Variants in AKAP19 observed in about 807,000 individuals in gnomAD.
The protein encoded by AKAP19 is small A-kinase anchoring protein.
chr2:190,095,307 G>T, the AKAP19 span, among the ~76,000 whole-genome samples: 1 of 152,154 alleles, frequency 6.6e-6, no homozygotes, highest in Non-Finnish European at 1.5e-5. Context: ...AAATACCTTT[G>T]GTAATATCAG....
chr2:189,922,710 A>T, the AKAP19 span, among the ~76,000 whole-genome samples: 7 of 152,128 alleles, frequency 4.6e-5, no homozygotes, highest in African/African-American at 1.7e-4. Context: ...CCTATTACTT[A>T]TTGCTATGTT....
At chr2:190,065,028 A>T in the AKAP19 span, among the ~76,000 whole-genome samples, 2 of 152,172 alleles carry the variant, frequency 1.3e-5, no homozygotes, top group African/African-American at 2.4e-5. Flanking sequence ...TATCTGACGC[A>T]CAGGTTCCCA....
chr2:190,021,304 A>T, the AKAP19 span, among the ~76,000 whole-genome samples: 9 of 152,212 alleles, frequency 5.9e-5, no homozygotes, highest in Non-Finnish European at 1.2e-4. Flanking sequence ...ATTTTGTTGA[A>T]CATAATCACC....
chr2:189,973,231 T>C, the AKAP19 span, among the ~76,000 whole-genome samples: 4 of 152,242 alleles, frequency 2.6e-5, no homozygotes, highest in Admixed American at 6.5e-5. Flanking sequence ...TCTGCATCTA[T>C]TGAGATAATC....
At chr2:189,927,723 T>C in the AKAP19 span, among the ~76,000 whole-genome samples, 3 of 152,208 alleles carry the variant, frequency 2.0e-5, no homozygotes, top group African/African-American at 7.2e-5. Flanking sequence ...AGTCATCAAA[T>C]CAGGAAATTA....
chr2:189,965,953 T>C, the AKAP19 span, among the ~76,000 whole-genome samples: 2 of 126,494 alleles, frequency 1.6e-5, no homozygotes, highest in Non-Finnish European at 3.4e-5. Flanking sequence ...TATGTATGTA[T>C]GTGTGTGTGT....
the AKAP19 span, among the ~76,000 whole-genome samples, chr2:190,094,447 C>T: frequency 1.3e-5 from 2 of 152,026 alleles, no homozygotes; most frequent in Admixed American, 6.6e-5. Context: ...TAAAAAAGGC[C>T]GTGATTGAAA....
the AKAP19 span, among the ~76,000 whole-genome samples, chr2:190,171,634 T>C: frequency 2.0e-5 from 3 of 152,174 alleles, no homozygotes; most frequent in Non-Finnish European, 1.5e-5. Context: ...TTGGTGGATA[T>C]TTATTTCTCT....
At chr2:189,980,125 C>A in the AKAP19 span, among the ~76,000 whole-genome samples, 1 of 152,096 alleles carries the variant, frequency 6.6e-6, no homozygotes, top group African/African-American at 2.4e-5. Context: ...CTGTTTATCA[C>A]AGCATTATTT....
At chr2:190,103,198 A>G in the AKAP19 span, among the ~76,000 whole-genome samples, 9 of 152,232 alleles carry the variant, frequency 5.9e-5, no homozygotes, top group Non-Finnish European at 7.3e-5. Flanking sequence ...TCTCAAGATA[A>G]TAAGAGCCAT....
chr2:190,150,001 A>G, the AKAP19 span, among the ~76,000 whole-genome samples: 50 of 152,218 alleles, frequency 3.3e-4, no homozygotes, highest in African/African-American at 1.2e-3. Context: ...AAGTGGGGGA[A>G]AGCCGGCAGT....
chr2:190,169,913 A>G, the AKAP19 span, among the ~76,000 whole-genome samples: 3 of 152,224 alleles, frequency 2.0e-5, no homozygotes, highest in African/African-American at 7.2e-5. Flanking sequence ...CTGCCAAGAC[A>G]CTTGTTTGTC....
chr2:190,136,662 C>A, the AKAP19 span, among the ~76,000 whole-genome samples: 5 of 152,250 alleles, frequency 3.3e-5, no homozygotes, highest in East Asian at 5.8e-4. Flanking sequence ...GCCTTCTGAC[C>A]TTTCAGAAGG....
At chr2:190,112,384 T>C in the AKAP19 span, among the ~76,000 whole-genome samples, 1 of 152,184 alleles carries the variant, frequency 6.6e-6, no homozygotes, top group Non-Finnish European at 1.5e-5. Flanking sequence ...TCTTATTTCT[T>C]TGTATTTACT....
chr2:189,947,084 A>G, the AKAP19 span, among the ~76,000 whole-genome samples: 7 of 152,002 alleles, frequency 4.6e-5, no homozygotes, highest in Non-Finnish European at 1.0e-4. Context: ...GAAATTGTTC[A>G]TTAAGGATTA....
At chr2:190,083,535 G>A in the AKAP19 span, among the ~76,000 whole-genome samples, 1 of 141,852 alleles carries the variant, frequency 7.0e-6, no homozygotes, top group African/African-American at 2.6e-5. Context: ...TGAAAAGTAG[G>A]TTTTTATAGG....
chr2:190,119,485 C>A, the AKAP19 span, among the ~76,000 whole-genome samples: 4 of 152,280 alleles, frequency 2.6e-5, no homozygotes, highest in East Asian at 5.8e-4. Context: ...GTTCTGCACA[C>A]GTGGGGATAC....
the AKAP19 span, among the ~76,000 whole-genome samples, chr2:189,938,168 C>T: frequency 6.6e-6 from 1 of 151,824 alleles, no homozygotes; most frequent in African/African-American, 2.4e-5. Context: ...AACCCCGTCT[C>T]TACTAAAGTA....
chr2:189,985,129 C>T, the AKAP19 span, among the ~76,000 whole-genome samples: 1 of 152,218 alleles, frequency 6.6e-6, no homozygotes, highest in Non-Finnish European at 1.5e-5. Context: ...TCCACCCTTT[C>T]TGTAGGGCTC....
Sources: allele counts gnomAD v4.1 joint callset (sites outside exome capture counted in the v4.1 genomes callset), GRCh38; gene constraint gnomAD v4.1.1; transcripts MANE v1.5; gene names NCBI Gene and HGNC (gene_info 2026-07-23, HGNC 2026-07-21).